Variants in PTPRS observed in about 807,000 individuals in gnomAD.
The protein encoded by PTPRS is receptor-type tyrosine-protein phosphatase S.
In PTPRS, 63 loss-of-function variants were observed where a neutral mutation model predicts 215.3. The ratio of observed to expected loss-of-function variants is 0.29; its 90% CI spans 0.24 to 0.36. PTPRS has a LOEUF of 0.36. PTPRS is among the 10% of genes least tolerant of loss of function. The pLI is 1.00. For synonymous variants in PTPRS, 1,404 were observed against 1,191.4 expected (o/e 1.18, Z -3.68); for missense variants, 2,258 against 2,825.8 (o/e 0.80, Z 4.56).
chr19:5,254,597 G>A (rs1407698828), intron 9 of PTPRS, among the ~76,000 whole-genome samples: 1 of 152,164 alleles, frequency 6.6e-6, no homozygotes, highest in Non-Finnish European at 1.5e-5. Flanking sequence ...GAGGCAGAGA[G>A]AGCAGGGGAG....
intron 1 of PTPRS, among the ~76,000 whole-genome samples, chr19:5,308,497 A>G (rs953120479): frequency 9.9e-5 from 15 of 152,220 alleles, no homozygotes; most frequent in African/African-American, 3.6e-4. Context: ...AATCAGGCCC[A>G]GGGCAGCAGC....
intron 1 of PTPRS, among the ~76,000 whole-genome samples, chr19:5,323,461 G>A (rs767118290): frequency 6.6e-6 from 1 of 152,254 alleles, no homozygotes; most frequent in Non-Finnish European, 1.5e-5. Context: ...GGGGCAGGCT[G>A]CAAGTTTAAA....
In PTPRS at chr19:5,225,792, GC is replaced by G; in HGVS notation, c.2428del (p.Ala810ProfsTer5). ...GCCATCGCCCTTCATGGTGTAGGCG[GC>G]TACCGTGATGGAGTACGCGGTCTCA... ...QPETAYSITV[A>X]AYTMKGDGAR... On this transcript the variant is annotated frameshift_variant, in exon 17 of 38. Transcript: ENST00000262963. LOFTEE classifies it high-confidence loss of function. 6.2e-7 allele frequency: 1 copy of G among 1,614,074 alleles called. No individual in the cohort carries two copies. Among genetic ancestry groups the G allele is most frequent in the Non-Finnish European group, 8.5e-7 (1 of 1,179,998 alleles).
In PTPRS at chr19:5,287,517, G is replaced by A. The variant is rs533972699; in HGVS notation, c.-94-1283C>T. 7.9e-5 allele frequency among the ~76,000 whole-genome samples: 12 copies of A among 152,310 alleles called. No homozygotes were observed. The South Asian group carries it at 2.3e-3, about 29-fold the overall frequency. ...GGTCAGAGGGCCAGGGAGGGGAAGG[G>A]AGAGGCCCAAGGATAAGATCTTTGT... On this transcript the variant is annotated intron_variant, in intron 1 of 37. Coordinates refer to ENST00000262963, the MANE Select transcript of PTPRS (RefSeq NM_002850.4). This position sits in a 1 kb window ranked among gnomAD's most constrained non-coding sequence, Gnocchi z 4.8.
At chr19:5,266,216 G>A (rs951908702) in intron 4 of PTPRS, among the ~76,000 whole-genome samples, 3 of 151,940 alleles carry the variant, frequency 2.0e-5, no homozygotes, top group African/African-American at 7.3e-5. Context: ...CCAAGATCAC[G>A]CCACTGCACT....
chr19:5,313,983 A>T (rs7253737), intron 1 of PTPRS, among the ~76,000 whole-genome samples: 30,118 of 151,288 alleles, frequency 0.2, 3,535 homozygotes, highest in African/African-American at 0.32. Context: ...ATAAAAGTAA[A>T]AAAATTAGCC....
At chr19:5,318,364 A>G (rs1193095365) in intron 1 of PTPRS, among the ~76,000 whole-genome samples, 2 of 151,870 alleles carry the variant, frequency 1.3e-5, no homozygotes, top group Non-Finnish European at 2.9e-5. Flanking sequence ...AGAAGAAGAA[A>G]TGATGGAATG....
intron 1 of PTPRS, among the ~76,000 whole-genome samples, chr19:5,307,495 T>C (rs957056204): frequency 1.3e-5 from 2 of 152,130 alleles, no homozygotes; most frequent in South Asian, 2.1e-4. Flanking sequence ...AAATTACTTT[T>C]AAGATACTAT....
chr19:5,295,484 G>A lies in PTPRS; in HGVS notation c.-94-9250C>T, dbSNP rs1021613058. On this transcript the variant is annotated intron_variant, in intron 1 of 37. Transcript: ENST00000262963. This position sits in a 1 kb window ranked among gnomAD's most constrained non-coding sequence, Gnocchi z 4.6. ...GCCAGGTGCCCTCCCCCTTGGCTGG[G>A]TGGCCCCATCAGCACAGAGCCCTAC... Among the ~76,000 whole-genome samples, 10 of 151,718 alleles carry A rather than the reference G, an allele frequency of 6.6e-5. No individual in the cohort carries two copies. The highest frequency in any genetic ancestry group is 2.4e-4 in the African/African-American group (10 of 41,408).
At chr19:5,309,275 CT>C (rs2049613719) in intron 1 of PTPRS, among the ~76,000 whole-genome samples, 2 of 152,316 alleles carry the variant, frequency 1.3e-5, no homozygotes, top group East Asian at 1.9e-4. Context: ...CTTCAGCCCC[CT>C]GGTCTGCAAA....
chr19:5,327,682 C>T (rs1482692166), intron 1 of PTPRS, among the ~76,000 whole-genome samples: 2 of 152,152 alleles, frequency 1.3e-5, no homozygotes, highest in African/African-American at 2.4e-5. Flanking sequence ...CTCACTGCAG[C>T]CTCAAACTCC....
At position 5,219,449 on chromosome 19, in the gene PTPRS, AGGGACTGGCTGCAAAGGTCTGCAG is replaced by A; in HGVS notation, c.3766-6_3783del. On this transcript the variant is annotated splice_acceptor_variant and splice_polypyrimidine_tract_variant and coding_sequence_variant and intron_variant, in exon 23 of 38. Coordinates refer to ENST00000262963, the MANE Select transcript of PTPRS (RefSeq NM_002850.4). LOFTEE classifies it high-confidence loss of function. Reference sequence around the variant, plus strand: ...TTATCCAGCTGGAAGGGGTCTGAGAAGGGACTGGCTGCAAAGGTCTGCAGGGAAAGGAGGGGGGTCTCCATCAGT... The same window carrying A: ...TTATCCAGCTGGAAGGGGTCTGAGAAGGAAAGGAGGGGGGTCTCCATCAGT... 1 of 1,599,222 alleles carries A rather than the reference AGGGACTGGCTGCAAAGGTCTGCAG, an allele frequency of 6.3e-7. No homozygotes were observed. The highest frequency in any genetic ancestry group is 8.5e-7 in the Non-Finnish European group (1 of 1,172,798).
chr19:5,282,185 G>A (rs531914835), intron 2 of PTPRS, among the ~76,000 whole-genome samples: 2 of 152,150 alleles, frequency 1.3e-5, no homozygotes, highest in East Asian at 1.9e-4. Flanking sequence ...GCCTGCTCTC[G>A]GATTTGGAGG....
intron 2 of PTPRS, chr19:5,278,234 T>C: frequency 2.7e-6 from 1 of 368,924 alleles, no homozygotes; most frequent in South Asian, 2.5e-5. Context: ...TGCTTTTTTG[T>C]TTCAGACAGG....
chr19:5,316,575 TAGAGA>T (rs776451394), intron 1 of PTPRS, among the ~76,000 whole-genome samples: 128 of 151,990 alleles, frequency 8.4e-4, no homozygotes, highest in Non-Finnish European at 1.4e-3. Context: ...TTATTTTTAG[TAGAGA>T]AGAGTTTTCA....
chr19:5,315,428 A>ATCATGGC (rs992928084), intron 1 of PTPRS, among the ~76,000 whole-genome samples: 3 of 142,574 alleles, frequency 2.1e-5, no homozygotes, highest in African/African-American at 7.9e-5. Flanking sequence ...CAGTGACACA[A>ATCATGGC]TCATGGCTCA....
intron 28 of PTPRS, 99 bp downstream of exon 28, chr19:5,215,190 G>T: frequency 1.3e-6 from 2 of 1,509,388 alleles, no homozygotes; most frequent in South Asian, 2.4e-5. Context: ...CCAGGTCTAT[G>T]ACCAGAATCA....
chr19:5,307,033 A>C (rs576274289), intron 1 of PTPRS, among the ~76,000 whole-genome samples: 2 of 152,316 alleles, frequency 1.3e-5, no homozygotes, highest in South Asian at 4.1e-4. Flanking sequence ...GGCCAGGCAC[A>C]GTGGCTCACG....
chr19:5,247,301 T>C (rs2044589793), intron 9 of PTPRS, among the ~76,000 whole-genome samples: 2 of 152,042 alleles, frequency 1.3e-5, no homozygotes, highest in Admixed American at 1.3e-4. Context: ...GGGAAGTGGA[T>C]GCAACCTTCT....
Sources: allele counts gnomAD v4.1 joint callset (sites outside exome capture counted in the v4.1 genomes callset), GRCh38; gene constraint gnomAD v4.1.1; non-coding constraint Gnocchi (gnomAD v3.1); transcripts MANE v1.5; gene names NCBI Gene and HGNC (gene_info 2026-07-23, HGNC 2026-07-21).